The following NARS1 variants were observed in gnomAD, a reference collection of about 807,000 sequenced individuals.
The protein encoded by NARS1 is asparagine--tRNA ligase, cytoplasmic.
A neutral mutation model predicts 79.2 loss-of-function variants in NARS1; 65 were observed. The observed-to-expected ratio is 0.82, with a 90% CI of 0.67 to 1.01. The LOEUF (loss-of-function observed/expected upper bound fraction) is 1.01, where lower values mean the gene tolerates loss of function less well. Ranked by LOEUF, NARS1 falls within the 50% of genes least tolerant of loss-of-function variation. NARS1 has a pLI of 0.00. For missense variants in NARS1, 649 were observed against 673.8 expected, an observed-to-expected ratio of 0.96 and a Z score of 0.41; for synonymous variants, 229 against 238.8, an observed-to-expected ratio of 0.96 and a Z score of 0.38.
At chr18:57,602,965 T>C (rs754905429) in intron 11 of NARS1, 22 bp from the exon 12 acceptor site, 4 of 1,613,460 alleles carry the variant, frequency 2.5e-6, no homozygotes, top group Admixed American at 1.7e-5. Context: ...CAAGACTTCA[T>C]TAACATTTAC....
chr18:57,620,128 G>A (rs530630966), intron 2 of NARS1, among the ~76,000 whole-genome samples: 6 of 152,276 alleles, frequency 3.9e-5, no homozygotes, highest in African/African-American at 1.4e-4. Context: ...CCAGACTCAT[G>A]AGTCAGCTCT....
chr18:57,602,987 C>T (rs1171872976), intron 11 of NARS1, 44 bp from the exon 12 acceptor site: 1 of 1,608,250 alleles, frequency 6.2e-7, no homozygotes, highest in African/African-American at 1.3e-5. Context: ...ACTTGGATCG[C>T]AACAAGACAG....
intron 2 of NARS1, among the ~76,000 whole-genome samples, chr18:57,617,395 A>T (rs916047957): frequency 6.6e-6 from 1 of 150,918 alleles, no homozygotes; most frequent in Non-Finnish European, 1.5e-5. Context: ...ACATGGTGAA[A>T]CCCCGTCTCC....
intron 4 of NARS1, 105 bp from the exon 5 acceptor site, chr18:57,613,785 G>C (rs182262838): frequency 1.1e-6 from 1 of 894,134 alleles, no homozygotes; most frequent in Non-Finnish European, 1.8e-6. Flanking sequence ...AATCACAAAT[G>C]GTGCAAAACT....
Position 57,601,098 on chromosome 18 carries a change from A to G in NARS1, c.*554T>C, listed in dbSNP as rs1358978422. 6.6e-6 allele frequency: 1 copy of G among 152,296 alleles called. No individual in the cohort carries two copies. The highest frequency in any genetic ancestry group is 1.5e-5 in the Non-Finnish European group (1 of 68,084). 9.4% of individuals were successfully genotyped at this position (152,296 alleles called of 1,614,324 possible). A position where few individuals can be genotyped will look rare whatever the true frequency, so the allele number is the denominator to read the frequency against. ...CAGCTAAGCAGAGTTAGAAAAGATTAATAACTGATACAAAAGGCTATTCAT... is the reference window on the plus strand; with the variant it reads ...CAGCTAAGCAGAGTTAGAAAAGATTGATAACTGATACAAAAGGCTATTCAT... On this transcript the variant is annotated 3_prime_UTR_variant, in exon 14 of 14. Coordinates refer to ENST00000256854, the MANE Select transcript of NARS1 (RefSeq NM_004539.4).
intron 9 of NARS1, 26 bp from the exon 10 acceptor site, chr18:57,606,777 A>G (rs1256199278): frequency 1.9e-6 from 3 of 1,613,668 alleles, no homozygotes; most frequent in Non-Finnish European, 2.5e-6. Flanking sequence ...ATAGCTCAGC[A>G]CTGCTTTTCT....
chr18:57,616,425 A>G (rs900071121), intron 2 of NARS1, among the ~76,000 whole-genome samples: 4 of 140,354 alleles, frequency 2.8e-5, no homozygotes, highest in East Asian at 2.0e-4. Context: ...GTCTCAAGAG[A>G]AAAAAAAAAA....
intron 11 of NARS1, 59 bp downstream of exon 11, chr18:57,605,798 G>T: frequency 8.7e-7 from 1 of 1,143,124 alleles, no homozygotes; most frequent in Non-Finnish European, 1.3e-6. Flanking sequence ...TCATTAACCA[G>T]AAGAAGAGAA....
Position 57,602,402 on chromosome 18 carries a change from TA to T in NARS1, c.1467del (p.Tyr489Ter). 6.2e-7 allele frequency: 1 copy of T among 1,614,026 alleles called. No individual in the cohort carries two copies. Among genetic ancestry groups the T allele is most frequent in the Non-Finnish European group, 8.5e-7 (1 of 1,179,898 alleles). ...GGAGTGGGGTCAATCCCTTCCCTTTTATAACCTGCCAGTATTTCTTCACTAT... is the reference window on the plus strand; with the variant it reads ...GGAGTGGGGTCAATCCCTTCCCTTTTTAACCTGCCAGTATTTCTTCACTAT... ...IFDSEEILAGYKREGIDPTPY... is the reference protein window; with the variant it reads ...IFDSEEILAGXKREGIDPTPY... On this transcript the variant is annotated frameshift_variant, in exon 13 of 14. Transcript: ENST00000256854. LOFTEE classifies it high-confidence loss of function.
chr18:57,603,630 AC>A (rs1327455295), intron 11 of NARS1, among the ~76,000 whole-genome samples: 3 of 152,236 alleles, frequency 2.0e-5, no homozygotes, highest in Admixed American at 6.5e-5. Context: ...AGAAGTTAAA[AC>A]TGACAACTCT....
chr18:57,605,707 C>T (rs866889539), intron 11 of NARS1, 150 bp downstream of exon 11: 38 of 603,054 alleles, frequency 6.3e-5, no homozygotes, highest in South Asian at 3.0e-4. Context: ...GTTAACTCAG[C>T]GAATCTGCAG....
chr18:57,613,490 C>A, intron 5 of NARS1, 112 bp downstream of exon 5: 1 of 910,254 alleles, frequency 1.1e-6, no homozygotes, highest in South Asian at 1.6e-5. Context: ...GAGACTGTGT[C>A]TAAGAAAAAA....
intron 2 of NARS1, among the ~76,000 whole-genome samples, chr18:57,619,260 T>A (rs1599041768): frequency 1.6e-5 from 2 of 124,454 alleles, no homozygotes; most frequent in African/African-American, 6.0e-5. Flanking sequence ...CCACCATGCC[T>A]GGCTAATTTT....
chr18:57,608,777 T>C (rs1218509412), intron 7 of NARS1, among the ~76,000 whole-genome samples: 1 of 152,204 alleles, frequency 6.6e-6, no homozygotes, highest in Non-Finnish European at 1.5e-5. Context: ...TACAAAGTAT[T>C]TTCTGGGTGT....
intron 7 of NARS1, 82 bp downstream of exon 7, chr18:57,609,275 C>A: frequency 8.8e-7 from 1 of 1,141,098 alleles, no homozygotes; most frequent in Non-Finnish European, 1.3e-6. Flanking sequence ...AATACATATG[C>A]CAAATGTACA....
intron 8 of NARS1, 22 bp from the exon 9 acceptor site, chr18:57,607,355 A>C (rs758006456): frequency 1.2e-6 from 2 of 1,612,320 alleles, no homozygotes; most frequent in Admixed American, 3.3e-5. Context: ...CAAAGAAGGA[A>C]TAAATCAATG....
In NARS1 at chr18:57,606,643, T is replaced by C; in HGVS notation, c.1110A>G (p.Ala370=). 1.9e-6 allele frequency: 3 copies of C among 1,614,186 alleles called. No individual in the cohort carries two copies. The highest frequency in any genetic ancestry group is 2.5e-6 in the Non-Finnish European group (3 of 1,180,016). ...DVVDRILKSP[A]GSIVHELNPN... is the part of the protein sequence containing the mutation. ...GGTTGAGCTCATGCACTATGCTCCCTGCAGGTGACTTCAATATTCGATCTA... is the reference window on the plus strand; with the variant it reads ...GGTTGAGCTCATGCACTATGCTCCCCGCAGGTGACTTCAATATTCGATCTA... The change falls in exon 10 of 14, where the codon GCA becomes GCG. Residue 370 remains alanine, a synonymous_variant. Transcript: ENST00000256854.
At chr18:57,608,957 C>T (rs1243955698) in intron 7 of NARS1, among the ~76,000 whole-genome samples, 3 of 152,210 alleles carry the variant, frequency 2.0e-5, no homozygotes, top group Middle Eastern at 3.2e-3. Context: ...TCATCTTCCT[C>T]CGGTGCTGGA....
At chr18:57,607,389 G>A in intron 8 of NARS1, 55 bp downstream of exon 8, 2 of 1,610,634 alleles carry the variant, frequency 1.2e-6, no homozygotes, top group South Asian at 1.1e-5. Flanking sequence ...CACTATTCAA[G>A]TTTCAAAACG....
Sources: allele counts gnomAD v4.1 joint callset (sites outside exome capture counted in the v4.1 genomes callset), GRCh38; gene constraint gnomAD v4.1.1; transcripts MANE v1.5; gene names NCBI Gene and HGNC (gene_info 2026-07-23, HGNC 2026-07-21).